Variants in SPATS2 observed in about 807,000 individuals in gnomAD.
SPATS2 encodes the protein spermatogenesis associated serine rich 2, also known as spermatogenesis-associated serine-rich protein 2.
SPATS2 carries 38 observed loss-of-function variants against 63.7 expected under a neutral mutation model. That is an observed-to-expected ratio of 0.60 (90% confidence interval 0.46 to 0.78). The LOEUF is 0.78. Ranked by LOEUF, SPATS2 falls within the 30% of genes least tolerant of loss-of-function variation. The pLI, the probability that SPATS2 is intolerant of heterozygous loss-of-function variation, is 0.00. For synonymous variants in SPATS2, 207 were observed against 232.9 expected, an observed-to-expected ratio of 0.89 and a Z score of 1.01; for missense variants, 588 against 666.2, an observed-to-expected ratio of 0.88 and a Z score of 1.29.
chr12:49,368,817 C>G (rs956107279), intron 1 of SPATS2, among the ~76,000 whole-genome samples: 22 of 152,068 alleles, frequency 1.4e-4, no homozygotes, highest in African/African-American at 5.3e-4. Context: ...CATGTTAAGC[C>G]TTTTATTTGT....
chr12:49,523,581 G>A lies in SPATS2; in HGVS notation c.1111+728G>A, dbSNP rs1441265056. On this transcript the variant is annotated intron_variant, in intron 12 of 13. Coordinates refer to ENST00000552918, the MANE Select transcript of SPATS2 (RefSeq NM_023071.4). ...ATAAAGCATTAAAGGATAGGGGAGT[G>A]CCTGTGAGATGAGAGTTTCTAGTGA... Among the ~76,000 whole-genome samples the A allele has an allele frequency of 9.2e-5, 14 of 152,148 alleles. 1 individual carries two copies. Among genetic ancestry groups the A allele is most frequent in the Admixed American group, 9.2e-4 (14 of 15,276 alleles).
At chr12:49,388,446 T>C (rs1044634104) in intron 2 of SPATS2, among the ~76,000 whole-genome samples, 15 of 151,580 alleles carry the variant, frequency 9.9e-5, no homozygotes, top group Non-Finnish European at 2.1e-4. Flanking sequence ...CAATCATGGC[T>C]TACTGCAGCC....
intron 3 of SPATS2, among the ~76,000 whole-genome samples, chr12:49,483,561 A>G (rs1946241198): frequency 6.6e-6 from 1 of 152,238 alleles, no homozygotes; most frequent in Admixed American, 6.5e-5. Context: ...CAAAAGTTAA[A>G]TCTAAATTAA....
intron 9 of SPATS2, among the ~76,000 whole-genome samples, chr12:49,507,416 A>G (rs1452812967): frequency 8.5e-5 from 13 of 152,206 alleles, no homozygotes; most frequent in Admixed American, 2.6e-4. Flanking sequence ...AGCTGTTGCT[A>G]TGGGGCAATA....
intron 2 of SPATS2, among the ~76,000 whole-genome samples, chr12:49,385,874 G>GTTTTTTT (rs753323898): frequency 2.1e-5 from 3 of 139,880 alleles, no homozygotes; most frequent in Admixed American, 7.2e-5. Context: ...TTTGTTTTTT[G>GTTTTTTT]TTTTTTTTTT....
chr12:49,461,526 T>C (rs917588394), intron 3 of SPATS2, among the ~76,000 whole-genome samples: 2 of 152,240 alleles, frequency 1.3e-5, no homozygotes, highest in South Asian at 4.1e-4. Context: ...AACAAAGACT[T>C]TGTAAAACCT....
chr12:49,478,446 A>T (rs1364252685), intron 3 of SPATS2, among the ~76,000 whole-genome samples: 1 of 152,184 alleles, frequency 6.6e-6, no homozygotes, highest in African/African-American at 2.4e-5. Context: ...GGTGACTTAC[A>T]TGTGGATTAT....
intron 3 of SPATS2, among the ~76,000 whole-genome samples, chr12:49,479,162 A>C (rs1204602238): frequency 6.6e-6 from 1 of 152,164 alleles, no homozygotes; most frequent in Non-Finnish European, 1.5e-5. Context: ...GAGGGGAGAA[A>C]GTGCGTGCCA....
chr12:49,469,829 A>C (rs1458209881), intron 3 of SPATS2, among the ~76,000 whole-genome samples: 1 of 151,912 alleles, frequency 6.6e-6, no homozygotes, highest in Non-Finnish European at 1.5e-5. Flanking sequence ...CAGAGGTTAT[A>C]GTAAGCCAAG....
chr12:49,470,328 G>C (rs1946013399), intron 3 of SPATS2, among the ~76,000 whole-genome samples: 1 of 152,054 alleles, frequency 6.6e-6, no homozygotes, highest in Non-Finnish European at 1.5e-5. Flanking sequence ...CACCACTCCT[G>C]ACCCCATTTC....
intron 3 of SPATS2, among the ~76,000 whole-genome samples, chr12:49,468,499 C>G (rs1157563282): frequency 6.7e-6 from 1 of 149,486 alleles, no homozygotes; most frequent in Non-Finnish European, 1.5e-5. Context: ...TTTTTTGAGA[C>G]AGAGTCTCCC....
At chr12:49,468,412 G>A (rs944481408) in intron 3 of SPATS2, among the ~76,000 whole-genome samples, 44 of 151,856 alleles carry the variant, frequency 2.9e-4, no homozygotes, top group African/African-American at 9.7e-4. Context: ...TGCCTGCCTC[G>A]ACCTCCCAAA....
At chr12:49,378,640 G>C (rs1289567642) in intron 2 of SPATS2, among the ~76,000 whole-genome samples, 2 of 151,572 alleles carry the variant, frequency 1.3e-5, no homozygotes, top group African/African-American at 4.8e-5. Context: ...CTGTCGCCTA[G>C]GCTACAGTGC....
chr12:49,523,980 A>G (rs1946988769), intron 12 of SPATS2, among the ~76,000 whole-genome samples: 1 of 152,104 alleles, frequency 6.6e-6, no homozygotes. Flanking sequence ...TATTTCACCT[A>G]TGGCAGCAAT....
chr12:49,443,673 G>T (rs969130122), intron 2 of SPATS2, among the ~76,000 whole-genome samples: 1 of 151,998 alleles, frequency 6.6e-6, no homozygotes, highest in African/African-American at 2.4e-5. Flanking sequence ...ATAGTATGAG[G>T]TAAAAGTCTG....
chr12:49,524,464 T>G (rs1222026678), intron 12 of SPATS2, among the ~76,000 whole-genome samples: 2 of 152,174 alleles, frequency 1.3e-5, no homozygotes, highest in Non-Finnish European at 2.9e-5. Flanking sequence ...TGTTCTCTTG[T>G]CTAAGAATTC....
At chr12:49,392,609 A>T (rs1944437238) in intron 2 of SPATS2, among the ~76,000 whole-genome samples, 1 of 151,908 alleles carries the variant, frequency 6.6e-6, no homozygotes, top group Non-Finnish European at 1.5e-5. Context: ...GCTACTCAGG[A>T]AGCTGAGGCA....
intron 2 of SPATS2, among the ~76,000 whole-genome samples, chr12:49,374,178 T>C (rs1944051861): frequency 5.3e-5 from 8 of 152,222 alleles, no homozygotes. Context: ...TCACCCAGGC[T>C]GGAGTGCAGT....
chr12:49,389,181 C>T (rs1197089453), intron 2 of SPATS2, among the ~76,000 whole-genome samples: 3 of 152,222 alleles, frequency 2.0e-5, no homozygotes, highest in Middle Eastern at 3.4e-3. Context: ...TTGGAAGGAC[C>T]CCGCCCAGCC....
Sources: gnomAD v4.1 joint callset for allele counts (sites outside exome capture counted in the v4.1 genomes callset) on GRCh38, gnomAD v4.1.1 for gene constraint, MANE v1.5 for transcripts, NCBI Gene and HGNC (gene_info 2026-07-23, HGNC 2026-07-21) for gene names.